Variants in HMCN1 observed in about 807,000 individuals in gnomAD.
HMCN1 encodes hemicentin-1.
In HMCN1, 321 loss-of-function variants were observed where a neutral mutation model predicts 625.9. That is an observed-to-expected ratio of 0.51 (90% CI 0.47 to 0.56). The LOEUF (loss-of-function observed/expected upper bound fraction) is 0.56, where lower values mean the gene tolerates loss of function less well. HMCN1 is among the 20% of genes least tolerant of loss of function. The pLI, the probability that HMCN1 is intolerant of heterozygous loss-of-function variation, is 0.00. For missense variants in HMCN1, 6,588 were observed against 6,887.3 expected (o/e 0.96, Z 1.54); for synonymous variants, 2,425 against 2,417.6 (o/e 1.00, Z -0.09).
chr1:186,155,212 TTCA>T (rs1650916639), intron 97 of HMCN1, among the ~76,000 whole-genome samples: 1 of 152,218 alleles, frequency 6.6e-6, no homozygotes, highest in South Asian at 2.1e-4. Context: ...TCAGAACTGC[TTCA>T]TAAAATTTGA....
rs143393655 is a variant in HMCN1 at position 185,933,747 on chromosome 1, A to G, written c.1751A>G (p.Asn584Ser). 105 of 1,613,970 alleles carry G rather than the reference A, an allele frequency of 6.5e-5. 1 individual carries two copies. In the Middle Eastern group the frequency reaches 6.6e-4, roughly 10 times the overall value. ...TTGGAGCTAAAGAGTGTGAAATTCA[A>G]CGATGCTGGAGAGTATCATTGTATG... ...LSLELKSVKF[N>S]DAGEYHCMVS... Residue 584 changes from asparagine (N) to serine (S), a missense_variant, in exon 11 of 107, where the codon AAC becomes AGC. By Grantham distance (46) the Asn-to-Ser change is conservative (BLOSUM62 1). Coordinates refer to ENST00000271588, the MANE Select transcript of HMCN1 (RefSeq NM_031935.3).
chr1:185,989,005 CTT>C (rs569764243), intron 20 of HMCN1, among the ~76,000 whole-genome samples: 6 of 117,568 alleles, frequency 5.1e-5, no homozygotes, highest in Non-Finnish European at 8.5e-5. Flanking sequence ...ACTTTTAGTA[CTT>C]TTTTTTTTTT....
chr1:186,148,352 C>T (rs1650455608), intron 93 of HMCN1, among the ~76,000 whole-genome samples: 1 of 152,170 alleles, frequency 6.6e-6, no homozygotes, highest in African/African-American at 2.4e-5. Flanking sequence ...GGGGAATCAA[C>T]TTCCAATATC....
intron 1 of HMCN1, among the ~76,000 whole-genome samples, chr1:185,824,468 AC>A (rs1274058297): frequency 6.6e-6 from 1 of 152,104 alleles, no homozygotes; most frequent in East Asian, 1.9e-4. Context: ...CTGTAAATAT[AC>A]CCTCTCTGCA....
At chr1:186,030,571 C>A (rs1286930041) in intron 36 of HMCN1, among the ~76,000 whole-genome samples, 1 of 151,698 alleles carries the variant, frequency 6.6e-6, no homozygotes, top group Non-Finnish European at 1.5e-5. Flanking sequence ...ATGTATTTGT[C>A]TTTGAATCTA....
intron 82 of HMCN1, among the ~76,000 whole-genome samples, chr1:186,126,753 G>A (rs1170550966): frequency 6.6e-6 from 1 of 152,104 alleles, no homozygotes; most frequent in Non-Finnish European, 1.5e-5. Flanking sequence ...GATAAATGGA[G>A]GCCAAATCAT....
rs1237510317 is a variant in HMCN1, at chr1:186,106,983, T to C, written c.10852+18T>C. ...AGTGCATGGTAAATTTGACAAAATATCCTACAGTCTATCATACACACACCT... is the reference window on the plus strand; with the variant it reads ...AGTGCATGGTAAATTTGACAAAATACCCTACAGTCTATCATACACACACCT... On this transcript the variant is annotated intron_variant, in intron 70 of 106. Coordinates refer to ENST00000271588, the MANE Select transcript of HMCN1 (RefSeq NM_031935.3). 1.4e-6 allele frequency: 2 copies of C among 1,478,216 alleles called. No individual in the cohort carries two copies. Among genetic ancestry groups the C allele is most frequent in the Admixed American group, 1.7e-5 (1 of 59,864 alleles). 91.6% of individuals were successfully genotyped at this position (1,478,216 alleles called of 1,614,324 possible).
intron 97 of HMCN1, among the ~76,000 whole-genome samples, chr1:186,157,024 G>T (rs940462694): frequency 1.3e-5 from 2 of 152,084 alleles, no homozygotes; most frequent in African/African-American, 4.8e-5. Context: ...AGATACCCAG[G>T]TCTCTTTCTT....
intron 83 of HMCN1, 26 bp downstream of exon 83, chr1:186,128,317 G>T: frequency 6.5e-7 from 1 of 1,546,390 alleles, no homozygotes; most frequent in South Asian, 1.1e-5. Context: ...CTCAAGAAGT[G>T]AATAAATACA....
chr1:186,151,653 A>G lies in HMCN1; in HGVS notation c.14806A>G (p.Thr4936Ala), dbSNP rs776014195. Residue 4936 changes from threonine to alanine, a missense_variant, in exon 95 of 107, where the codon ACA becomes GCA. Transcript: ENST00000271588. ...TTCTATTCTAAATCCCATTTATTGG[A>G]CAACAGCAAAGGAAATAGGAGAAGC... Reference protein sequence around the residue: ...IVSILNPIYWTTAKEIGEAVN... With the variant: ...IVSILNPIYWATAKEIGEAVN... The G allele has an allele frequency of 1.2e-6, 2 of 1,612,778 alleles. No homozygotes were observed. Among genetic ancestry groups the G allele is most frequent in the Admixed American group, 3.3e-5 (2 of 60,026 alleles).
In HMCN1 at chr1:186,041,039, A is replaced by G. The variant is rs750710312; in HGVS notation, c.6207A>G (p.Ala2069=). The G allele has an allele frequency of 1.1e-5, 17 of 1,612,914 alleles. No individual in the cohort carries two copies. In the African/African-American group the frequency reaches 1.7e-4, roughly 16 times the overall value. ...TTCTCTCTGGTGGTCGAATCCTAGC[A>G]TTGACCAGTGCACAAATCAGCGACA... ...LQVLSGGRIL[A]LTSAQISDTG... is the part of the protein sequence containing the mutation. Residue 2069 remains alanine, a synonymous_variant, in exon 40 of 107, where the codon GCA becomes GCG. Coordinates refer to ENST00000271588, the MANE Select transcript of HMCN1 (RefSeq NM_031935.3).
intron 1 of HMCN1, among the ~76,000 whole-genome samples, chr1:185,808,529 C>T (rs1659316443): frequency 6.6e-6 from 1 of 152,044 alleles, no homozygotes; most frequent in Admixed American, 6.6e-5. Flanking sequence ...AAAAAAATTA[C>T]TTAAAACTCA....
rs1389516046 is a variant in HMCN1, at chr1:186,144,706, G to A, written c.14266+3G>A. 1.9e-6 allele frequency: 3 copies of A among 1,614,008 alleles called. No individual in the cohort carries two copies. The Admixed American group carries it at 5.0e-5, about 27-fold the overall frequency. ...TTGCAACAGTGACCCTTGCCCAAGT[G>A]AGTGTTGGAAATAGTGAGTCAACAT... On this transcript the variant is annotated splice_donor_region_variant and intron_variant, in intron 91 of 106. Transcript: ENST00000271588.
chr1:186,081,384 G>C lies in HMCN1; in HGVS notation c.8777G>C (p.Arg2926Pro), dbSNP rs377760099. The C allele has an allele frequency of 1.2e-6, 2 of 1,609,884 alleles. No homozygotes were observed. The highest frequency in any genetic ancestry group is 2.2e-5 in the South Asian group (2 of 90,916). Reference protein sequence around the residue: ...DDHHKFLSNGRILQILNTQIT... With the variant: ...DDHHKFLSNGPILQILNTQIT... ...CATCATAAATTTCTATCTAATGGAC[G>C]AATTCTGCAGGTAAAAGTAAAGAAA... Residue 2926 changes from arginine (R) to proline (P), a missense_variant, in exon 56 of 107, where the codon CGA becomes CCA. Arg to Pro is a moderately radical substitution (Grantham distance 103). Coordinates refer to ENST00000271588, the MANE Select transcript of HMCN1 (RefSeq NM_031935.3).
intron 83 of HMCN1, among the ~76,000 whole-genome samples, chr1:186,129,053 A>G (rs1661790463): frequency 6.6e-6 from 1 of 152,100 alleles, no homozygotes; most frequent in African/African-American, 2.4e-5. Flanking sequence ...CCTTAATAAC[A>G]ATACATCTCA....
rs551341567 is a variant in HMCN1, at chr1:185,991,704, C to CT, written c.3377+1269dup. Reference sequence around the variant, plus strand: ...TTATGGACATTCTGGTTTGTTTATTCTTTTTTTTAAAAAAAAAAACAAGGC... The same window carrying CT: ...TTATGGACATTCTGGTTTGTTTATTCTTTTTTTTTAAAAAAAAAAACAAGGC... On this transcript the variant is annotated intron_variant, in intron 22 of 106. Coordinates refer to ENST00000271588, the MANE Select transcript of HMCN1 (RefSeq NM_031935.3). Among the ~76,000 whole-genome samples, 972 of 147,558 alleles carry CT rather than the reference C, an allele frequency of 6.6e-3. 12 individuals are homozygous for CT. The highest frequency in any genetic ancestry group is 0.02 in the African/African-American group (786 of 39,138).
At chr1:185,837,674 A>T (rs947672338) in intron 1 of HMCN1, among the ~76,000 whole-genome samples, 8 of 152,252 alleles carry the variant, frequency 5.3e-5, no homozygotes, top group African/African-American at 1.9e-4. Context: ...CTCTTCATTA[A>T]GAAAAAAAAC....
At chr1:186,181,114 A>G (rs1652900052) in intron 104 of HMCN1, among the ~76,000 whole-genome samples, 1 of 152,140 alleles carries the variant, frequency 6.6e-6, no homozygotes, top group Non-Finnish European at 1.5e-5. Context: ...GCTCTGTGCT[A>G]ACAACTTGGA....
chr1:186,164,659 G>A (rs1044361625), intron 97 of HMCN1, among the ~76,000 whole-genome samples: 5 of 152,102 alleles, frequency 3.3e-5, no homozygotes, highest in South Asian at 2.1e-4. Context: ...GTGCTAATGC[G>A]GGAGATCCAC....
Sources: allele counts gnomAD v4.1 joint callset (sites outside exome capture counted in the v4.1 genomes callset), GRCh38; gene constraint gnomAD v4.1.1; transcripts MANE v1.5; gene names NCBI Gene and HGNC (gene_info 2026-07-23, HGNC 2026-07-21).